Variants in PARD3B observed in about 807,000 individuals in gnomAD.
PARD3B encodes partitioning defective 3 homolog B.
In PARD3B, 103 loss-of-function variants were observed where a neutral mutation model predicts 130.2. The observed-to-expected ratio is 0.79, with a 90% CI of 0.67 to 0.93. The LOEUF (loss-of-function observed/expected upper bound fraction) is 0.93, where lower values mean the gene tolerates loss of function less well. Among genes scored for constraint, PARD3B ranks in the 40% least tolerant of loss-of-function variants. The probability of loss-of-function intolerance (pLI) is 0.00; values close to 1 mark genes in which losing one functional copy is unlikely to be tolerated. For synonymous variants in PARD3B, 583 were observed against 553.2 expected (o/e 1.05, Z -0.76); for missense variants, 1,609 against 1,499.2 (o/e 1.07, Z -1.21).
At chr2:204,749,480 A>T (rs764463251) in intron 2 of PARD3B, among the ~76,000 whole-genome samples, 150 of 152,320 alleles carry the variant, frequency 9.8e-4, no homozygotes, top group Non-Finnish European at 1.5e-3. Flanking sequence ...AAAATAGATG[A>T]CTAAGAGTTG....
At chr2:204,928,580 C>T (rs1381739878) in intron 2 of PARD3B, among the ~76,000 whole-genome samples, 1 of 151,940 alleles carries the variant, frequency 6.6e-6, no homozygotes, top group Admixed American at 6.6e-5. Flanking sequence ...ATTTGCAGGG[C>T]AATAAAGAAA....
intron 22 of PARD3B, among the ~76,000 whole-genome samples, chr2:205,605,708 G>C (rs908494874): frequency 1.3e-5 from 2 of 152,184 alleles, no homozygotes; most frequent in African/African-American, 4.8e-5. Context: ...CTGTTGGAGG[G>C]TCTCACCCAG....
intron 2 of PARD3B, among the ~76,000 whole-genome samples, chr2:204,749,990 CTT>C (rs1182068193): frequency 6.6e-6 from 1 of 152,082 alleles, no homozygotes; most frequent in Non-Finnish European, 1.5e-5. Flanking sequence ...ACTCATCTCT[CTT>C]GTCTCTAATT....
chr2:205,479,135 T>C (rs1322177052), intron 20 of PARD3B, among the ~76,000 whole-genome samples: 1 of 152,224 alleles, frequency 6.6e-6, no homozygotes, highest in East Asian at 1.9e-4. Context: ...GTTCAGCTTA[T>C]GTCCCTAGGA....
In PARD3B at chr2:204,606,322, T is replaced by G. The variant is rs2033722537; in HGVS notation, c.120+60203T>G. ...CCTCAGTGGCTTTAGTACTTTTTAG[T>G]ACTAAGAGGACTACTTTTTTAGTAC... On this transcript the variant is annotated intron_variant, in intron 1 of 22. Coordinates refer to ENST00000406610, the MANE Select transcript of PARD3B (RefSeq NM_001302769.2). The surrounding 1 kb of genome is among the most constrained non-coding windows in gnomAD (Gnocchi z 4.0). 6.6e-6 allele frequency among the ~76,000 whole-genome samples: 1 copy of G among 152,172 alleles called. No homozygotes were observed. The highest frequency in any genetic ancestry group is 1.5e-5 in the Non-Finnish European group (1 of 68,010).
At chr2:205,380,778 A>G (rs1170909052) in intron 18 of PARD3B, among the ~76,000 whole-genome samples, 1 of 105,342 alleles carries the variant, frequency 9.5e-6, no homozygotes, top group Non-Finnish European at 1.7e-5. Flanking sequence ...TATAATATAT[A>G]AAGAATATAC....
intron 3 of PARD3B, among the ~76,000 whole-genome samples, chr2:204,977,525 G>A (rs1375970990): frequency 6.6e-6 from 1 of 151,652 alleles, no homozygotes; most frequent in Non-Finnish European, 1.5e-5. Flanking sequence ...GGGAGCCTTG[G>A]TAGGCCGGGC....
chr2:204,885,642 T>C (rs2046245373), intron 2 of PARD3B, among the ~76,000 whole-genome samples: 1 of 152,250 alleles, frequency 6.6e-6, no homozygotes, highest in African/African-American at 2.4e-5. Context: ...CTGTGCTTAT[T>C]ATACTTAGAT....
intron 16 of PARD3B, among the ~76,000 whole-genome samples, chr2:205,254,911 G>A (rs932441795): frequency 2.0e-5 from 3 of 151,668 alleles, no homozygotes; most frequent in African/African-American, 7.3e-5. Context: ...TGATCCGCCC[G>A]CCTCGGCCTC....
chr2:204,985,448 G>A (rs1014656742), intron 3 of PARD3B, among the ~76,000 whole-genome samples: 2 of 152,148 alleles, frequency 1.3e-5, no homozygotes, highest in Non-Finnish European at 2.9e-5. Flanking sequence ...AATGTGTGAG[G>A]CCATAAGCTC....
intron 2 of PARD3B, among the ~76,000 whole-genome samples, chr2:204,879,559 T>G (rs6747533): frequency 0.28 from 43,128 of 152,082 alleles, 11,090 homozygotes; most frequent in African/African-American, 0.69. Context: ...ATGGCAATGC[T>G]ACACTCCTGG....
intron 15 of PARD3B, among the ~76,000 whole-genome samples, chr2:205,211,283 C>A (rs1411101140): frequency 6.6e-6 from 1 of 152,012 alleles, no homozygotes; most frequent in Admixed American, 6.6e-5. Flanking sequence ...CTTGAAAATA[C>A]AATTTCAGCT....
intron 16 of PARD3B, among the ~76,000 whole-genome samples, chr2:205,249,006 G>GTTTTTTTT (rs10707308): frequency 2.1e-5 from 2 of 95,084 alleles, no homozygotes; most frequent in South Asian, 3.9e-4. Context: ...TAAAATAAGA[G>GTTTTTTTT]TTTTTTTTTT....
chr2:204,938,195 A>G (rs16824690), intron 2 of PARD3B, among the ~76,000 whole-genome samples: 5,215 of 152,312 alleles, frequency 0.034, 135 homozygotes, highest in African/African-American at 0.064. Context: ...TTGTGACAAA[A>G]CAGTAATGTA....
intron 2 of PARD3B, among the ~76,000 whole-genome samples, chr2:204,925,135 G>A (rs998416999): frequency 6.6e-6 from 1 of 151,982 alleles, no homozygotes; most frequent in Non-Finnish European, 1.5e-5. Context: ...ACCCATAGCT[G>A]ATGCAGATGT....
intron 4 of PARD3B, among the ~76,000 whole-genome samples, chr2:205,067,452 C>T (rs1407097743): frequency 6.6e-6 from 1 of 152,008 alleles, no homozygotes; most frequent in Non-Finnish European, 1.5e-5. Context: ...GTGTGAGCCA[C>T]GATACCCAGC....
chr2:204,908,010 G>A (rs990306827), intron 2 of PARD3B, among the ~76,000 whole-genome samples: 1 of 152,072 alleles, frequency 6.6e-6, no homozygotes, highest in Non-Finnish European at 1.5e-5. Context: ...CCTAAAGAGT[G>A]TTTTTTAAGT....
At chr2:204,873,064 TTATAA>T (rs2045690682) in intron 2 of PARD3B, among the ~76,000 whole-genome samples, 1 of 152,174 alleles carries the variant, frequency 6.6e-6, no homozygotes, top group South Asian at 2.1e-4. Context: ...ATAAAGATAA[TTATAA>T]TGTAATGATT....
At position 205,301,533 on chromosome 2, in the gene PARD3B, A is replaced by T; in HGVS notation, c.2462A>T (p.Asn821Ile). ...AATTGTGAGTCTGCCCCTCAGGGGA[A>T]TTCGGAGCTAGAGGACATGGAAAAT... ...ALNCESAPQG[N>I]SELEDMENKA... The change falls in exon 18 of 23, where the codon AAT becomes ATT. Residue 821 changes from asparagine to isoleucine, a missense_variant. Transcript: ENST00000406610. This position sits in a 1 kb window ranked among gnomAD's most constrained non-coding sequence, Gnocchi z 5.2. 6.2e-7 allele frequency: 1 copy of T among 1,614,096 alleles called. No homozygotes were observed. Among genetic ancestry groups the T allele is most frequent in the Non-Finnish European group, 8.5e-7 (1 of 1,180,030 alleles).
Sources: allele counts gnomAD v4.1 joint callset (sites outside exome capture counted in the v4.1 genomes callset), GRCh38; gene constraint gnomAD v4.1.1; non-coding constraint Gnocchi (gnomAD v3.1); transcripts MANE v1.5; gene names NCBI Gene and HGNC (gene_info 2026-07-23, HGNC 2026-07-21).